Variants in ADAMTS17 observed in about 807,000 individuals in gnomAD.
ADAMTS17 encodes A disintegrin and metalloproteinase with thrombospondin motifs 17.
ADAMTS17 carries 113 observed loss-of-function variants against 141.5 expected under a neutral mutation model. The observed-to-expected ratio is 0.80, with a 90% CI of 0.69 to 0.93. The LOEUF (loss-of-function observed/expected upper bound fraction) is 0.93. ADAMTS17 is among the 40% of genes least tolerant of loss of function. The pLI is 0.00. For missense variants in ADAMTS17, 1,659 were observed against 1,517.9 expected (o/e 1.09, Z -1.54); for synonymous variants, 768 against 630.6 (o/e 1.22, Z -3.27).
intron 7 of ADAMTS17, among the ~76,000 whole-genome samples, chr15:100,249,663 G>A (rs1287761299): frequency 6.6e-6 from 1 of 152,196 alleles, no homozygotes; most frequent in Admixed American, 6.5e-5. Flanking sequence ...CCTGGCGGCA[G>A]CCCCCTTCCA....
chr15:100,281,001 G>T (rs2044261121), intron 4 of ADAMTS17, among the ~76,000 whole-genome samples: 1 of 152,172 alleles, frequency 6.6e-6, no homozygotes, highest in Non-Finnish European at 1.5e-5. Flanking sequence ...GAGCAGATCT[G>T]GGCACTTCAA....
intron 20 of ADAMTS17, among the ~76,000 whole-genome samples, chr15:99,986,340 G>A (rs2060585877): frequency 6.6e-6 from 1 of 152,220 alleles, no homozygotes. Flanking sequence ...GGGTTTCTGG[G>A]GAGCACACAG....
Position 100,156,735 on chromosome 15 carries a change from G to A in ADAMTS17, c.1182-1415C>T, listed in dbSNP as rs766481105. Among the ~76,000 whole-genome samples the A allele has an allele frequency of 2.0e-5, 3 of 152,176 alleles. No individual in the cohort carries two copies. In the East Asian group the frequency reaches 5.8e-4, roughly 29 times the overall value. ...CTGCTGTCCAACTGGGTGTGGGCAAGACAACTGTGAAAGATGAATAAATCA... is the reference window on the plus strand; with the variant it reads ...CTGCTGTCCAACTGGGTGTGGGCAAAACAACTGTGAAAGATGAATAAATCA... On this transcript the variant is annotated intron_variant, in intron 8 of 21. Coordinates refer to ENST00000268070, the MANE Select transcript of ADAMTS17 (RefSeq NM_139057.4).
intron 3 of ADAMTS17, among the ~76,000 whole-genome samples, chr15:100,326,114 T>C (rs965638425): frequency 1.3e-5 from 2 of 152,220 alleles, no homozygotes; most frequent in African/African-American, 4.8e-5. Flanking sequence ...GGGAACAGAA[T>C]TGCGCCTCTA....
At chr15:100,097,524 C>G (rs28479584) in intron 14 of ADAMTS17, among the ~76,000 whole-genome samples, 8,947 of 152,340 alleles carry the variant, frequency 0.059, 843 homozygotes, top group African/African-American at 0.2. Flanking sequence ...CACAGCGCCT[C>G]GGGTGCCAGG....
intron 15 of ADAMTS17, among the ~76,000 whole-genome samples, chr15:100,070,666 C>A (rs1444647558): frequency 6.7e-6 from 1 of 149,976 alleles, no homozygotes; most frequent in Admixed American, 6.7e-5. Flanking sequence ...GAAATGAAGG[C>A]AGAAATAAAG....
intron 15 of ADAMTS17, among the ~76,000 whole-genome samples, chr15:100,058,067 C>G (rs1245965333): frequency 6.6e-6 from 1 of 151,956 alleles, no homozygotes; most frequent in Non-Finnish European, 1.5e-5. Context: ...CTGAGTACCC[C>G]TGAGAGGCAG....
At chr15:100,091,367 A>G (rs1032923650) in intron 15 of ADAMTS17, among the ~76,000 whole-genome samples, 1 of 152,172 alleles carries the variant, frequency 6.6e-6, no homozygotes, top group Non-Finnish European at 1.5e-5. Flanking sequence ...GTGATTTCCC[A>G]TTCCAGCTTC....
intron 7 of ADAMTS17, among the ~76,000 whole-genome samples, chr15:100,208,946 G>A (rs1472283077): frequency 1.3e-5 from 2 of 152,096 alleles, no homozygotes; most frequent in East Asian, 1.9e-4. Context: ...CGGACCATAT[G>A]AGCCATTTCT....
At chr15:100,263,665 A>G (rs1016550306) in intron 4 of ADAMTS17, among the ~76,000 whole-genome samples, 1 of 152,232 alleles carries the variant, frequency 6.6e-6, no homozygotes, top group African/African-American at 2.4e-5. Context: ...TAACGCAGAG[A>G]AAACAGGATT....
At chr15:100,146,128 G>A (rs532302658) in intron 10 of ADAMTS17, among the ~76,000 whole-genome samples, 2 of 152,162 alleles carry the variant, frequency 1.3e-5, no homozygotes, top group African/African-American at 2.4e-5. Context: ...AGCTGAGATC[G>A]AGCTACTGCA....
At position 100,284,104 on chromosome 15, in the gene ADAMTS17, T is replaced by TAAACAAAC. The variant is rs150137293; in HGVS notation, c.617-2711_617-2704dup. 8.4e-3 allele frequency among the ~76,000 whole-genome samples: 1,275 copies of TAAACAAAC among 151,430 alleles called. 12 individuals carry two copies. The highest frequency in any genetic ancestry group is 0.016 in the African/African-American group (661 of 41,016). On this transcript the variant is annotated intron_variant, in intron 3 of 21. Coordinates refer to ENST00000268070, the MANE Select transcript of ADAMTS17 (RefSeq NM_139057.4). The stretch of plus-strand genomic sequence containing the variant: ...TGGGCGACAGAGCAAGATTCCATCT[T>TAAACAAAC]AAACAAACAAACAAACAAACAAACA...
intron 18 of ADAMTS17, among the ~76,000 whole-genome samples, chr15:100,015,989 C>G (rs1158015409): frequency 6.6e-6 from 1 of 152,184 alleles, no homozygotes; most frequent in Non-Finnish European, 1.5e-5. Context: ...TCTCTTCTTC[C>G]TCAGGAACAC....
In ADAMTS17 at chr15:100,005,464, C is replaced by T. The variant is rs548143842; in HGVS notation, c.2592-7875G>A. 2.2e-4 allele frequency among the ~76,000 whole-genome samples: 33 copies of T among 152,242 alleles called. No individual in the cohort carries two copies. The South Asian group carries it at 3.9e-3, about 18-fold the overall frequency. On this transcript the variant is annotated intron_variant, in intron 18 of 21. Transcript: ENST00000268070. ...TTCCTTCTTTTCCAGCTCCACGCTG[C>T]CCCACTCCTTGGCTTGGGGCGTCTT...
chr15:100,137,944 A>G (rs765624859), intron 10 of ADAMTS17, among the ~76,000 whole-genome samples: 4 of 151,626 alleles, frequency 2.6e-5, no homozygotes, highest in African/African-American at 7.3e-5. Flanking sequence ...TGCCAACACC[A>G]ATGCCCGCCC....
chr15:100,037,427 T>C (rs1374039472), intron 18 of ADAMTS17, among the ~76,000 whole-genome samples: 5 of 138,912 alleles, frequency 3.6e-5, no homozygotes, highest in East Asian at 2.1e-4. Context: ...TTTCTTCTTT[T>C]TGAGACAGAG....
intron 6 of ADAMTS17, among the ~76,000 whole-genome samples, chr15:100,260,900 A>G (rs1323219285): frequency 1.3e-5 from 2 of 152,232 alleles, no homozygotes; most frequent in African/African-American, 2.4e-5. Context: ...TGTATTTTAT[A>G]AAGGGAGAGT....
intron 7 of ADAMTS17, among the ~76,000 whole-genome samples, chr15:100,250,257 T>C (rs757584557): frequency 2.6e-5 from 4 of 152,226 alleles, no homozygotes; most frequent in Admixed American, 2.6e-4. Context: ...AACGCTGTTA[T>C]ATACCAAATT....
intron 6 of ADAMTS17, among the ~76,000 whole-genome samples, chr15:100,256,071 G>A (rs965871804): frequency 6.6e-6 from 1 of 152,216 alleles, no homozygotes; most frequent in African/African-American, 2.4e-5. Context: ...TGCCTGCAGG[G>A]GCTGCTTTAT....
Sources: gnomAD v4.1 joint callset for allele counts (sites outside exome capture counted in the v4.1 genomes callset) on GRCh38, gnomAD v4.1.1 for gene constraint, MANE v1.5 for transcripts, NCBI Gene and HGNC (gene_info 2026-07-23, HGNC 2026-07-21) for gene names.